Variants in SECISBP2 observed in about 807,000 individuals in gnomAD.
The protein encoded by SECISBP2 is SECIS binding protein 2.
SECISBP2 carries 96 observed loss-of-function variants against 98.2 expected under a neutral mutation model. The ratio of observed to expected loss-of-function variants is 0.98; its 90% confidence interval spans 0.83 to 1.16. SECISBP2 has a LOEUF of 1.16. Among genes scored for constraint, SECISBP2 ranks in the 50% most tolerant of loss-of-function variants. The probability of loss-of-function intolerance (pLI) is 0.00; values close to 1 mark genes in which losing one functional copy is unlikely to be tolerated. For missense variants in SECISBP2, 1,046 were observed against 1,022.9 expected, an observed-to-expected ratio of 1.02 and a Z score of -0.31; for synonymous variants, 407 against 370.2, an observed-to-expected ratio of 1.10 and a Z score of -1.14.
At chr9:89,349,464 C>G (rs565215815) in intron 12 of SECISBP2, among the ~76,000 whole-genome samples, 1 of 152,260 alleles carries the variant, frequency 6.6e-6, no homozygotes, top group African/African-American at 2.4e-5. Context: ...ATAAATTTGG[C>G]CACTGAACTG....
At chr9:89,333,862 G>C (rs1828178669) in intron 6 of SECISBP2, among the ~76,000 whole-genome samples, 1 of 152,214 alleles carries the variant, frequency 6.6e-6, no homozygotes, top group South Asian at 2.1e-4. Context: ...TGTTCGATAT[G>C]TATGTGGTTG....
downstream of SECISBP2, chr9:89,364,328 T>G (rs1318526471): frequency 1.2e-5 from 4 of 336,978 alleles, no homozygotes; most frequent in East Asian, 2.2e-4. Context: ...TGTGACCACA[T>G]GGACAGAGAC....
intron 14 of SECISBP2, chr9:89,357,093 C>T: frequency 5.0e-6 from 2 of 396,604 alleles, no homozygotes; most frequent in East Asian, 1.2e-4. Flanking sequence ...GTGCATCTGT[C>T]AGTGAGGACA....
rs752898871 is a variant in SECISBP2, at chr9:89,339,875, A to G, written c.1224A>G (p.Glu408=). ...TGTGGTTTACTTAGGATGCCGAGGA[A>G]TTTCCCAACCTGGCAGTTGCATCTG... The part of the protein sequence containing the change: ...QEPPRIEDAE[E]FPNLAVASER... Residue 408 remains glutamate (E), a synonymous_variant, in exon 9 of 17, where the codon GAA becomes GAG. Transcript: ENST00000375807. The G allele has an allele frequency of 3.7e-6, 6 of 1,613,534 alleles. No individual in the cohort carries two copies. Among genetic ancestry groups the G allele is most frequent in the Admixed American group, 3.3e-5 (2 of 60,024 alleles).
chr9:89,363,274 C>A (rs74351835), downstream of SECISBP2, among the ~76,000 whole-genome samples: 5 of 152,120 alleles, frequency 3.3e-5, no homozygotes, highest in African/African-American at 7.2e-5. Flanking sequence ...ATTTCCCCCC[C>A]CAGTGTTGCA....
chr9:89,343,316 T>A (rs1829932601), intron 10 of SECISBP2, among the ~76,000 whole-genome samples: 1 of 152,118 alleles, frequency 6.6e-6, no homozygotes. Context: ...TTCAAAAAAC[T>A]CTACTTTTTT....
At chr9:89,356,055 A>G (rs748840339) in intron 14 of SECISBP2, among the ~76,000 whole-genome samples, 2 of 152,102 alleles carry the variant, frequency 1.3e-5, no homozygotes, top group Non-Finnish European at 1.5e-5. Context: ...GGCGTCCCCA[A>G]CCCCTGGGCT....
At position 89,349,912 on chromosome 9, in the gene SECISBP2, C is replaced by T; in HGVS notation, c.1875C>T (p.His625=). Reference sequence around the variant, plus strand: ...ATCACACCACCTTCCCTAAGATCCACAGCCGCAGATTCAGGGAGTGAGTGA... The same window carrying T: ...ATCACACCACCTTCCCTAAGATCCATAGCCGCAGATTCAGGGAGTGAGTGA... ...APNHTTFPKI[H]SRRFRDYCSQ... is the part of the protein sequence containing the mutation. The change falls in exon 13 of 17, where the codon CAC becomes CAT. Residue 625 remains histidine (H), a synonymous_variant. Transcript: ENST00000375807. The T allele has an allele frequency of 1.2e-6, 2 of 1,614,234 alleles. No homozygotes were observed. The highest frequency in any genetic ancestry group is 1.3e-5 in the African/African-American group (1 of 75,050).
intron 5 of SECISBP2, among the ~76,000 whole-genome samples, chr9:89,331,987 T>G (rs765757870): frequency 6.6e-6 from 1 of 152,216 alleles, no homozygotes; most frequent in African/African-American, 2.4e-5. Flanking sequence ...TGAGATTTGG[T>G]TGAAGGAAGT....
chr9:89,359,235 C>A lies in SECISBP2; in HGVS notation c.*411C>A, dbSNP rs1255391270. 1 of 319,632 alleles carries A rather than the reference C, an allele frequency of 3.1e-6. No homozygotes were observed. Among genetic ancestry groups the A allele is most frequent in the African/African-American group, 2.2e-5 (1 of 45,830 alleles). The allele number at this position is 319,632 out of a possible 1,614,324, so 19.8% of individuals were successfully genotyped here. Reference sequence around the variant, plus strand: ...CTGGAGGTTGCCATGGAGGGCCATTCCTGCCCGGCAACAGCACCGTCCTGC... The same window carrying A: ...CTGGAGGTTGCCATGGAGGGCCATTACTGCCCGGCAACAGCACCGTCCTGC... On this transcript the variant is annotated 3_prime_UTR_variant, in exon 17 of 17. Coordinates refer to ENST00000375807, the MANE Select transcript of SECISBP2 (RefSeq NM_024077.5).
At chr9:89,335,654 C>G (rs1277271254) in intron 7 of SECISBP2, among the ~76,000 whole-genome samples, 1 of 152,132 alleles carries the variant, frequency 6.6e-6, no homozygotes. Flanking sequence ...TTTAATCCCT[C>G]CAAATCCTAA....
At position 89,358,126 on chromosome 9, in the gene SECISBP2, A is replaced by G; in HGVS notation, c.2396A>G (p.Gln799Arg). 6.2e-7 allele frequency: 1 copy of G among 1,613,838 alleles called. No homozygotes were observed. The highest frequency in any genetic ancestry group is 8.5e-7 in the Non-Finnish European group (1 of 1,179,956). Residue 799 changes from glutamine (Q) to arginine (R), a missense_variant, in exon 16 of 17, where the codon CAG (glutamine) becomes CGG (arginine). Gln to Arg is a conservative substitution (Grantham distance 43). Transcript: ENST00000375807. ...RPQAPPSLPT[Q>R]GPSCPAEDGP... ...CAGGCACCTCCCAGCCTACCCACAC[A>G]GGGCCCCAGCTGCCCTGCAGAAGAT...
chr9:89,344,182 G>T (rs1284710159), intron 10 of SECISBP2, among the ~76,000 whole-genome samples: 1 of 152,032 alleles, frequency 6.6e-6, no homozygotes, highest in African/African-American at 2.4e-5. Context: ...TTGCAAATTT[G>T]TTTAAGATCC....
chr9:89,337,415 G>A (rs530480850), intron 7 of SECISBP2, among the ~76,000 whole-genome samples: 2 of 152,246 alleles, frequency 1.3e-5, no homozygotes, highest in East Asian at 1.9e-4. Context: ...TTATGGAAAA[G>A]GTCATCTCTC....
intron 14 of SECISBP2, among the ~76,000 whole-genome samples, chr9:89,351,246 C>G (rs190347691): frequency 3.3e-5 from 5 of 152,320 alleles, no homozygotes; most frequent in Non-Finnish European, 7.4e-5. Flanking sequence ...TTTTGTTGTT[C>G]AGTCTGTGGT....
At chr9:89,345,842 G>A (rs915641615) in intron 10 of SECISBP2, among the ~76,000 whole-genome samples, 2 of 152,212 alleles carry the variant, frequency 1.3e-5, no homozygotes, top group African/African-American at 2.4e-5. Flanking sequence ...ATAGTCACAT[G>A]TATGTTTCAA....
intron 9 of SECISBP2, among the ~76,000 whole-genome samples, chr9:89,340,526 G>C (rs1206711918): frequency 2.6e-5 from 4 of 152,300 alleles, no homozygotes; most frequent in Admixed American, 2.0e-4. Flanking sequence ...AAAGGGGGCT[G>C]TTGTTTTCGC....
At chr9:89,318,975 G>T (rs572894184) in intron 1 of SECISBP2, 15 of 1,088,400 alleles carry the variant, frequency 1.4e-5, no homozygotes, top group Admixed American at 5.2e-5. Context: ...TTTTCTGAAC[G>T]TCATTCTCCG....
At chr9:89,318,880 G>GCGCT in intron 1 of SECISBP2, 4 of 1,248,484 alleles carry the variant, frequency 3.2e-6, no homozygotes, top group Non-Finnish European at 4.0e-6. Flanking sequence ...GCCCAGCCCG[G>GCGCT]CGCTCCCCGC....
Sources: allele counts gnomAD v4.1 joint callset (sites outside exome capture counted in the v4.1 genomes callset), GRCh38; gene constraint gnomAD v4.1.1; transcripts MANE v1.5; gene names NCBI Gene and HGNC (gene_info 2026-07-23, HGNC 2026-07-21).